SEC61A1: variants seen among roughly 807,000 people sequenced by gnomAD.
SEC61A1 encodes protein transport protein Sec61 subunit alpha isoform 1.
A neutral mutation model predicts 55.2 loss-of-function variants in SEC61A1; 15 were observed. The ratio of observed to expected loss-of-function variants is 0.27; its 90% CI spans 0.18 to 0.42. SEC61A1 has a LOEUF of 0.42. SEC61A1 is among the 10% of genes least tolerant of loss of function. The pLI, the probability that SEC61A1 is intolerant of heterozygous loss-of-function variation, is 1.00. For synonymous variants in SEC61A1, 247 were observed against 234.0 expected (o/e 1.06, Z -0.51); for missense variants, 284 against 602.6 (o/e 0.47, Z 5.53).
At chr3:128,063,735 A>C (rs1941887768) in intron 7 of SEC61A1, among the ~76,000 whole-genome samples, 1 of 152,198 alleles carries the variant, frequency 6.6e-6, no homozygotes, top group African/African-American at 2.4e-5. Flanking sequence ...GCTTCCTGCC[A>C]GTAGAAGCAG....
chr3:128,052,548 C>T lies in SEC61A1; in HGVS notation c.-5C>T. On this transcript the variant is annotated 5_prime_UTR_variant, in exon 1 of 12. Coordinates refer to ENST00000243253, the MANE Select transcript of SEC61A1 (RefSeq NM_013336.4). ...GCGGGACCCGGAGCCCGAGCAGCCG[C>T]CGCCATGGCAAGTGAGTCCTGTAGG... 1 of 1,599,618 alleles carries T rather than the reference C, an allele frequency of 6.3e-7. No homozygotes were observed. The highest frequency in any genetic ancestry group is 8.5e-7 in the Non-Finnish European group (1 of 1,174,010).
upstream of SEC61A1, chr3:128,051,718 C>T (rs1941675509): frequency 2.7e-6 from 4 of 1,458,106 alleles, no homozygotes; most frequent in African/African-American, 1.4e-5. Context: ...TCTATCAAGG[C>T]TCGGCACAAA....
chr3:128,051,726 A>T, upstream of SEC61A1: 1 of 1,472,588 alleles, frequency 6.8e-7, no homozygotes, highest in Non-Finnish European at 9.0e-7. Context: ...GGCTCGGCAC[A>T]AAGGTACTCT....
chr3:128,052,156 CCA>C (rs1276352206), upstream of SEC61A1, among the ~76,000 whole-genome samples: 1 of 152,138 alleles, frequency 6.6e-6, no homozygotes, highest in Admixed American at 6.5e-5. Context: ...CCGCACAGCC[CCA>C]GTCTCGGGAG....
At chr3:128,060,789 TG>T in intron 7 of SEC61A1, 128 bp downstream of exon 7, 3 of 983,574 alleles carry the variant, frequency 3.1e-6, no homozygotes, top group Non-Finnish European at 2.9e-6. Context: ...TCTCTTCTGG[TG>T]TTTGGGTCCA....
upstream of SEC61A1, chr3:128,051,660 G>GC: frequency 7.1e-7 from 1 of 1,417,160 alleles, no homozygotes; most frequent in South Asian, 1.5e-5. Flanking sequence ...GCCATGCTTT[G>GC]CCCACAACAG....
intron 8 of SEC61A1, 90 bp from the exon 9 acceptor site, chr3:128,066,864 C>A: frequency 2.4e-6 from 3 of 1,261,740 alleles, no homozygotes; most frequent in Non-Finnish European, 3.4e-6. Flanking sequence ...TCCCTTGTGG[C>A]CCACTGGACA....
intron 11 of SEC61A1, chr3:128,068,881 C>T (rs979501589): frequency 2.2e-4 from 33 of 152,362 alleles, no homozygotes; most frequent in African/African-American, 7.7e-4. Flanking sequence ...GCTACAAAGT[C>T]AGCTGCAGAC....
chr3:128,067,722 C>G lies in SEC61A1; in HGVS notation c.1167+110C>G. 5 of 928,352 alleles carry G rather than the reference C, an allele frequency of 5.4e-6. No individual in the cohort carries two copies. Among genetic ancestry groups the G allele is most frequent in the South Asian group, 4.9e-5 (3 of 60,634 alleles). 57.5% of individuals were successfully genotyped at this position (928,352 alleles called of 1,614,324 possible). On this transcript the variant is annotated intron_variant, in intron 10 of 11. Coordinates refer to ENST00000243253, the MANE Select transcript of SEC61A1 (RefSeq NM_013336.4). The surrounding 1 kb of genome is among the most constrained non-coding windows in gnomAD (Gnocchi z 4.1). ...TGGTCTGTGACGTGTGCAGATAGAT[C>G]GTCGTCCTTTAGGGGGCAGTTCAGA...
intron 8 of SEC61A1, 119 bp downstream of exon 8, chr3:128,065,156 G>C: frequency 8.7e-7 from 1 of 1,149,428 alleles, no homozygotes; most frequent in Non-Finnish European, 1.3e-6. Context: ...GAAACGATGA[G>C]ATGGTATTTG....
chr3:128,059,468 CAAAA>C (rs796958852), intron 5 of SEC61A1, among the ~76,000 whole-genome samples: 1 of 99,620 alleles, frequency 1.0e-5, no homozygotes, highest in Admixed American at 1.1e-4. Context: ...GACTCCGTCT[CAAAA>C]AAAAAAAAAA....
rs115374562 is a variant in SEC61A1 at position 128,069,042 on chromosome 3, G to A, written c.1245-434G>A. On this transcript the variant is annotated intron_variant, in intron 11 of 11. Transcript: ENST00000243253. ...GCTGCTGGATTTACAGCACTGTGCA[G>A]TAGAAGTAGAATTCAAGTCACATGT... 3.6e-3 allele frequency: 559 copies of A among 155,856 alleles called. 1 individual carries two copies. The highest frequency in any genetic ancestry group is 0.013 in the African/African-American group (529 of 41,648). The allele number at this position is 155,856 out of a possible 1,614,324, so 9.7% of individuals were successfully genotyped here. A position where few individuals can be genotyped will look rare whatever the true frequency, so the allele number is the denominator to read the frequency against.
At position 128,067,708 on chromosome 3, in the gene SEC61A1, G is replaced by A. The variant is rs9858267; in HGVS notation, c.1167+96G>A. On this transcript the variant is annotated intron_variant, in intron 10 of 11. Transcript: ENST00000243253. This position sits in a 1 kb window ranked among gnomAD's most constrained non-coding sequence, Gnocchi z 4.1. Reference sequence around the variant, plus strand: ...CTCATCATAAATAATGGTCTGTGACGTGTGCAGATAGATCGTCGTCCTTTA... The same window carrying A: ...CTCATCATAAATAATGGTCTGTGACATGTGCAGATAGATCGTCGTCCTTTA... 0.23 allele frequency: 237,752 copies of A among 1,022,698 alleles called. 29,105 individuals carry two copies. The highest frequency in any genetic ancestry group is 0.27 in the South Asian group (17,156 of 64,502). 63.4% of individuals were successfully genotyped at this position (1,022,698 alleles called of 1,614,324 possible).
chr3:128,060,490 A>T lies in SEC61A1; in HGVS notation c.463-18A>T, dbSNP rs1559795819. 2 of 1,613,676 alleles carry T rather than the reference A, an allele frequency of 1.2e-6. No individual in the cohort carries two copies. Among genetic ancestry groups the T allele is most frequent in the Non-Finnish European group, 1.7e-6 (2 of 1,179,738 alleles). ...GGGGAGCAGTAACACATAGTCTTGT[A>T]TTTTTGAATTTTTACAGCTCTTTGT... On this transcript the variant is annotated intron_variant, in intron 6 of 11. Coordinates refer to ENST00000243253, the MANE Select transcript of SEC61A1 (RefSeq NM_013336.4).
intron 7 of SEC61A1, 108 bp from the exon 8 acceptor site, chr3:128,064,764 TGAGTC>T: frequency 2.4e-6 from 2 of 843,234 alleles, no homozygotes; most frequent in Non-Finnish European, 3.7e-6. Flanking sequence ...ATGGGCACCA[TGAGTC>T]TAATAACTTA....
rs9827421 is a variant in SEC61A1 at position 128,056,656 on chromosome 3, C to T, written c.221-53C>T. 0.23 allele frequency: 327,073 copies of T among 1,393,566 alleles called. 39,643 individuals carry two copies. Among genetic ancestry groups the T allele is most frequent in the South Asian group, 0.26 (13,823 of 53,222 alleles). The allele number at this position is 1,393,566 out of a possible 1,614,324, so 86.3% of individuals were successfully genotyped here. A position where few individuals can be genotyped will look rare whatever the true frequency, so the allele number is the denominator to read the frequency against. ...TTTTGCGTATTCATTTTTAAAATAA[C>T]GTACTACGTTTCCAAGCTGATATTG... On this transcript the variant is annotated intron_variant, in intron 4 of 11. Transcript: ENST00000243253.
In SEC61A1 at chr3:128,067,729, CT is replaced by C; in HGVS notation, c.1167+120del. 3.5e-6 allele frequency: 3 copies of C among 845,670 alleles called. No individual in the cohort carries two copies. Among genetic ancestry groups the C allele is most frequent in the Non-Finnish European group, 5.5e-6 (3 of 544,694 alleles). The allele number at this position is 845,670 out of a possible 1,614,324, so 52.4% of individuals were successfully genotyped here. ...TGACGTGTGCAGATAGATCGTCGTC[CT>C]TTAGGGGGCAGTTCAGAAGCTTTAA... On this transcript the variant is annotated intron_variant, in intron 10 of 11. Transcript: ENST00000243253. This position sits in a 1 kb window ranked among gnomAD's most constrained non-coding sequence, Gnocchi z 4.1.
In SEC61A1 at chr3:128,060,184, T is replaced by A. The variant is rs140143855; in HGVS notation, c.435T>A (p.Ala145=). The part of the protein sequence containing the change: ...GMYGDPSEMG[A]GICLLITIQL... ...ATGGGGACCCTTCTGAAATGGGTGCTGGAATTTGCCTGCTAATCACCATTC... is the reference window on the plus strand; with the variant it reads ...ATGGGGACCCTTCTGAAATGGGTGCAGGAATTTGCCTGCTAATCACCATTC... Residue 145 remains alanine (A), a synonymous_variant, in exon 6 of 12, where the codon GCT becomes GCA. Coordinates refer to ENST00000243253, the MANE Select transcript of SEC61A1 (RefSeq NM_013336.4). 6.2e-7 allele frequency: 1 copy of A among 1,613,698 alleles called. No individual in the cohort carries two copies. The highest frequency in any genetic ancestry group is 1.3e-5 in the African/African-American group (1 of 75,050).
At chr3:128,065,666 A>G (rs1335175639) in intron 8 of SEC61A1, among the ~76,000 whole-genome samples, 1 of 151,078 alleles carries the variant, frequency 6.6e-6, no homozygotes, top group African/African-American at 2.4e-5. Context: ...ACTAAGCCAC[A>G]TTCTTGCTTA....
Sources: allele counts gnomAD v4.1 joint callset (sites outside exome capture counted in the v4.1 genomes callset), GRCh38; gene constraint gnomAD v4.1.1; non-coding constraint Gnocchi (gnomAD v3.1); transcripts MANE v1.5; gene names NCBI Gene and HGNC (gene_info 2026-07-23, HGNC 2026-07-21).